The following SPATA22 variants were observed in gnomAD, a reference collection of about 807,000 sequenced individuals.
SPATA22 encodes the protein spermatogenesis-associated protein 22.
A neutral mutation model predicts 47.8 loss-of-function variants in SPATA22; 29 were observed. That is an observed-to-expected ratio of 0.61 (90% CI 0.45 to 0.83). SPATA22 has a LOEUF of 0.83. Among genes scored for constraint, SPATA22 ranks in the 40% least tolerant of loss-of-function variants. The probability of loss-of-function intolerance (pLI) is 0.00; values close to 1 mark genes in which losing one functional copy is unlikely to be tolerated. For missense variants in SPATA22, 410 were observed against 421.7 expected, an observed-to-expected ratio of 0.97 and a Z score of 0.24; for synonymous variants, 133 against 140.9, an observed-to-expected ratio of 0.94 and a Z score of 0.40.
At chr17:3,512,999 G>C (rs761901491) in intron 1 of SPATA22, 2 of 152,166 alleles carry the variant, frequency 1.3e-5, no homozygotes, top group Non-Finnish European at 2.9e-5. Flanking sequence ...AGGTCAGGAC[G>C]AGGAAAAGAG....
chr17:3,462,629 A>G, intron 4 of SPATA22, 51 bp from the exon 5 acceptor site: 20 of 1,588,002 alleles, frequency 1.3e-5, no homozygotes, highest in Non-Finnish European at 1.7e-5. Context: ...TTTCAAATTG[A>G]GAAATTAAGA....
At chr17:3,453,743 T>A (rs1330653396) in intron 5 of SPATA22, among the ~76,000 whole-genome samples, 1 of 152,122 alleles carries the variant, frequency 6.6e-6, no homozygotes, top group East Asian at 1.9e-4. Context: ...ATTTCAGATT[T>A]TGAATTTTCA....
chr17:3,473,013 G>A (rs934450791), upstream of SPATA22, among the ~76,000 whole-genome samples: 1 of 150,670 alleles, frequency 6.6e-6, no homozygotes, highest in African/African-American at 2.4e-5. Flanking sequence ...AACATGAATA[G>A]AAGCTTCAGG....
chr17:3,493,560 C>CAAAAAAA (rs746229421), intron 1 of SPATA22, among the ~76,000 whole-genome samples: 6 of 56,350 alleles, frequency 1.1e-4, no homozygotes, highest in Admixed American at 8.2e-4. Flanking sequence ...GGTTCCATCT[C>CAAAAAAA]AAAAAAAAAA....
rs756198538 is a variant in SPATA22, at chr17:3,481,603, C to CA, written c.-73-12206dup. The CA allele has an allele frequency of 6.8e-6, 11 of 1,612,574 alleles. No individual in the cohort carries two copies. The highest frequency in any genetic ancestry group is 4.0e-5 in the African/African-American group (3 of 74,802). ...ATCTTTTTCTTTCTGCTTATAACAG[C>CA]AAAAAAATGTCAGAAGATTTGCCAT... On this transcript the variant is annotated intron_variant, in intron 1 of 8. Coordinates refer to the SPATA22 transcript ENST00000541913.
chr17:3,465,018 G>T (rs1328199116), intron 3 of SPATA22, among the ~76,000 whole-genome samples: 2 of 127,980 alleles, frequency 1.6e-5, no homozygotes, highest in African/African-American at 2.8e-5. Flanking sequence ...GGAGGGAGGT[G>T]GGGGGGTCAG....
chr17:3,465,183 C>T (rs1297312603), intron 3 of SPATA22, among the ~76,000 whole-genome samples: 24 of 137,448 alleles, frequency 1.7e-4, no homozygotes, highest in South Asian at 7.4e-4. Context: ...CCCGGCCAGC[C>T]GCCTCGTCCA....
chr17:3,506,536 T>G (rs79414279), intron 1 of SPATA22, among the ~76,000 whole-genome samples: 1,600 of 152,340 alleles, frequency 0.011, 29 homozygotes, highest in African/African-American at 0.036. Context: ...AAAAACGTCA[T>G]TTTTAGAAAC....
At chr17:3,447,636 T>A (rs2072757674) in intron 6 of SPATA22, among the ~76,000 whole-genome samples, 1 of 152,080 alleles carries the variant, frequency 6.6e-6, no homozygotes, top group Non-Finnish European at 1.5e-5. Flanking sequence ...TTTTCAGACA[T>A]AAGGGCAGAA....
intron 3 of SPATA22, among the ~76,000 whole-genome samples, chr17:3,463,736 A>G (rs1352997065): frequency 6.6e-6 from 1 of 152,198 alleles, no homozygotes; most frequent in Non-Finnish European, 1.5e-5. Context: ...CAGCTCCATT[A>G]TATTTGTAAT....
At chr17:3,466,493 G>C (rs2073317666) in intron 3 of SPATA22, among the ~76,000 whole-genome samples, 1 of 152,184 alleles carries the variant, frequency 6.6e-6, no homozygotes, top group South Asian at 2.1e-4. Context: ...GCTGTCTCTA[G>C]GATGTGAATT....
At chr17:3,504,731 A>G (rs2074025904) in intron 1 of SPATA22, among the ~76,000 whole-genome samples, 1 of 151,666 alleles carries the variant, frequency 6.6e-6, no homozygotes, top group Admixed American at 6.6e-5. Context: ...CTAATTTTGT[A>G]TTTTTTTAGT....
In SPATA22 at chr17:3,448,964, G is replaced by C. The variant is rs149898901; in HGVS notation, c.515C>G (p.Thr172Ser). The C allele has an allele frequency of 4.3e-6, 7 of 1,613,846 alleles. No homozygotes were observed. The African/African-American group carries it at 8.0e-5, about 18-fold the overall frequency. ...EPPNLSRNKE[T>S]ELLRQTHSSK... ...TGAATGTGTTTGTCTGAGTAGCTCG[G>C]TTTCTTTGTTGCGAGATAAGTTAGG... The change falls in exon 6 of 9, where the codon ACC becomes AGC. Residue 172 changes from threonine to serine, a missense_variant. Coordinates refer to ENST00000572969, the MANE Select transcript of SPATA22 (RefSeq NM_001170698.2).
chr17:3,450,845 A>G (rs1158657271), intron 5 of SPATA22, among the ~76,000 whole-genome samples: 1 of 152,242 alleles, frequency 6.6e-6, no homozygotes, highest in Non-Finnish European at 1.5e-5. Flanking sequence ...GAAATATTGC[A>G]AGAAGTACCA....
intron 5 of SPATA22, among the ~76,000 whole-genome samples, chr17:3,458,026 A>G: frequency 6.6e-6 from 1 of 152,236 alleles, no homozygotes; most frequent in East Asian, 1.9e-4. Context: ...TAATCAACAG[A>G]GTGAAAAGGC....
intron 1 of SPATA22, among the ~76,000 whole-genome samples, chr17:3,478,117 G>A (rs1010723763): frequency 2.0e-5 from 3 of 152,000 alleles, no homozygotes; most frequent in East Asian, 1.9e-4. Flanking sequence ...CCTGGGAGGC[G>A]GAGCTTGCAG....
intron 1 of SPATA22, among the ~76,000 whole-genome samples, chr17:3,479,221 C>T (rs1050275887): frequency 6.6e-6 from 1 of 152,178 alleles, no homozygotes; most frequent in African/African-American, 2.4e-5. Context: ...CCAATGGGAG[C>T]TCAACTGCAG....
chr17:3,452,152 T>G (rs1299416633), intron 5 of SPATA22, among the ~76,000 whole-genome samples: 2 of 150,936 alleles, frequency 1.3e-5, no homozygotes, highest in African/African-American at 4.9e-5. Flanking sequence ...AATGCCCAAG[T>G]GGAAATAAAA....
exon 1 of SPATA22, chr17:3,513,646 T>C (rs2074142699): frequency 1.1e-5 from 4 of 365,116 alleles, no homozygotes; most frequent in Admixed American, 4.2e-5. Flanking sequence ...CACCCGGGAC[T>C]TCAGGAGGCT....
Sources: gnomAD v4.1 joint callset for allele counts (sites outside exome capture counted in the v4.1 genomes callset) on GRCh38, gnomAD v4.1.1 for gene constraint, MANE v1.5 for transcripts, NCBI Gene and HGNC (gene_info 2026-07-23, HGNC 2026-07-21) for gene names.